DIAPH2: variants seen among roughly 807,000 people sequenced by gnomAD.
DIAPH2 encodes protein diaphanous homolog 2.
Under a neutral mutation model 92.7 loss-of-function variants are expected in DIAPH2, and 35 were observed. The observed-to-expected ratio is 0.38, with a 90% confidence interval of 0.29 to 0.50. The LOEUF is 0.50. Among genes scored for constraint, DIAPH2 ranks in the 20% least tolerant of loss-of-function variants. The pLI is 0.94. For missense variants in DIAPH2, 701 were observed against 819.5 expected (o/e 0.86, Z 1.77); for synonymous variants, 301 against 280.4 (o/e 1.07, Z -0.73).
chrX:96,758,827 A>G (rs1190966717), intron 4 of DIAPH2, among the ~76,000 whole-genome samples: 2 of 111,611 alleles, frequency 1.8e-5, no homozygotes, highest in South Asian at 3.7e-4. Context: ...TGTGAGTCCC[A>G]AGACTTGAAA....
At chrX:97,313,426 G>A (rs963838657) in intron 23 of DIAPH2, among the ~76,000 whole-genome samples, 1 of 111,748 alleles carries the variant, frequency 8.9e-6, no homozygotes, top group African/African-American at 3.2e-5. Context: ...TTTGAAAAAT[G>A]TGATTTCAAC....
chrX:96,821,636 T>G (rs1437575514), intron 4 of DIAPH2, among the ~76,000 whole-genome samples: 1 of 112,358 alleles, frequency 8.9e-6, no homozygotes. Flanking sequence ...ATTTTGATAA[T>G]GAATTTTTTT....
chrX:97,450,407 T>C (rs1174936716), intron 26 of DIAPH2, among the ~76,000 whole-genome samples: 1 of 112,094 alleles, frequency 8.9e-6, no homozygotes, highest in Non-Finnish European at 1.9e-5. Flanking sequence ...CTTGGTTAGT[T>C]TCTTTTAAAG....
In DIAPH2 at chrX:96,896,877, G is replaced by A. The variant is rs182626465; in HGVS notation, c.587+15159G>A. 4.8e-4 allele frequency among the ~76,000 whole-genome samples: 54 copies of A among 111,700 alleles called. No homozygotes were observed. In the East Asian group the frequency reaches 5.6e-3, roughly 12 times the overall value. ...TACAAATGCTTTGTTTGTATGTCAT[G>A]TATATATTTGTTATTTTTGTGTTGT... On this transcript the variant is annotated intron_variant, in intron 5 of 26. Coordinates refer to ENST00000324765, the MANE Select transcript of DIAPH2 (RefSeq NM_006729.5).
intron 17 of DIAPH2, among the ~76,000 whole-genome samples, chrX:96,994,142 T>C (rs1170150335): frequency 1.8e-5 from 2 of 111,741 alleles, no homozygotes; most frequent in Admixed American, 1.9e-4. Context: ...TGGGAGAAAA[T>C]TAGGAGTTTT....
chrX:97,532,028 G>T (rs994566607), intron 26 of DIAPH2, among the ~76,000 whole-genome samples: 2 of 112,404 alleles, frequency 1.8e-5, no homozygotes, highest in African/African-American at 6.5e-5. Context: ...AGCCTGTTCA[G>T]CATTTTTTAA....
At chrX:97,589,740 T>A (rs2071504935) in intron 26 of DIAPH2, among the ~76,000 whole-genome samples, 1 of 112,474 alleles carries the variant, frequency 8.9e-6, no homozygotes, top group Admixed American at 9.4e-5. Context: ...CTTTGAGACA[T>A]CTTATATGAG....
intron 5 of DIAPH2, among the ~76,000 whole-genome samples, chrX:96,904,119 C>T (rs750596158): frequency 1.8e-5 from 2 of 111,775 alleles, no homozygotes; most frequent in South Asian, 3.7e-4. Flanking sequence ...ATAGAATAAA[C>T]GCAGCCAGAG....
At chrX:96,961,549 TA>T (rs1184222927) in intron 16 of DIAPH2, among the ~76,000 whole-genome samples, 2 of 109,411 alleles carry the variant, frequency 1.8e-5, no homozygotes, top group Non-Finnish European at 3.8e-5. Flanking sequence ...TGATCTTTAT[TA>T]TTTTTTTCCT....
chrX:97,287,574 A>G (rs1467207176), intron 23 of DIAPH2, among the ~76,000 whole-genome samples: 2 of 110,122 alleles, frequency 1.8e-5, no homozygotes, highest in African/African-American at 6.6e-5. Context: ...GATTTTAGGT[A>G]TGGGTGTTGG....
intron 20 of DIAPH2, among the ~76,000 whole-genome samples, chrX:97,104,568 A>G (rs1438406893): frequency 1.8e-5 from 2 of 109,669 alleles, no homozygotes; most frequent in Admixed American, 9.8e-5. Flanking sequence ...TTCTGTACAC[A>G]TGGAGTCCCA....
chrX:96,955,163 G>A (rs996127123), intron 15 of DIAPH2, among the ~76,000 whole-genome samples: 2 of 111,386 alleles, frequency 1.8e-5, no homozygotes, highest in Admixed American at 9.5e-5. Context: ...CAGAGCTGGC[G>A]AGGCCTCAGG....
At chrX:97,306,302 G>A (rs1196120254) in intron 23 of DIAPH2, among the ~76,000 whole-genome samples, 1 of 111,117 alleles carries the variant, frequency 9.0e-6, no homozygotes, top group East Asian at 2.8e-4. Flanking sequence ...ACTCTCTTTG[G>A]CCCCCAGAGT....
At chrX:97,184,096 A>G (rs2067561835) in intron 22 of DIAPH2, among the ~76,000 whole-genome samples, 1 of 112,336 alleles carries the variant, frequency 8.9e-6, no homozygotes, top group Non-Finnish European at 1.9e-5. Flanking sequence ...GGAGTAAATC[A>G]TACTTACATG....
chrX:97,509,096 G>C (rs1837880021), intron 26 of DIAPH2, among the ~76,000 whole-genome samples: 1 of 108,337 alleles, frequency 9.2e-6, no homozygotes, highest in East Asian at 2.9e-4. Flanking sequence ...GCCGAGGCTG[G>C]AGTGCAGTGG....
intron 23 of DIAPH2, among the ~76,000 whole-genome samples, chrX:97,291,777 AT>A (rs749161574): frequency 3.6e-5 from 4 of 111,080 alleles, no homozygotes; most frequent in Non-Finnish European, 3.8e-5. Flanking sequence ...ACCTCAGGTG[AT>A]TCCCCCACCT....
chrX:97,591,027 T>A lies in DIAPH2; in HGVS notation c.3242-8226T>A, dbSNP rs148727030. Among the ~76,000 whole-genome samples the A allele has an allele frequency of 2.9e-3, 321 of 112,517 alleles. 1 individual carries two copies. Among genetic ancestry groups the A allele is most frequent in the African/African-American group, 9.6e-3 (297 of 30,977 alleles). On this transcript the variant is annotated intron_variant, in intron 26 of 26. Transcript: ENST00000324765. ...TTAGAAAATAAAGGTTAAATATGTA[T>A]AGACATTCTGGTTCTTCCTTTATAC... is the stretch of plus-strand genomic sequence containing the variant.
At chrX:96,988,441 G>A (rs1809284563) in intron 17 of DIAPH2, among the ~76,000 whole-genome samples, 1 of 109,590 alleles carries the variant, frequency 9.1e-6, no homozygotes, top group Non-Finnish European at 1.9e-5. Context: ...TTTTTTTAAA[G>A]CAAAGAATCA....
intron 7 of DIAPH2, among the ~76,000 whole-genome samples, chrX:96,915,264 T>G (rs891990360): frequency 2.1e-4 from 23 of 111,127 alleles, no homozygotes; most frequent in African/African-American, 7.2e-4. Flanking sequence ...AGCTATTAAG[T>G]TTGGTAATTG....
Sources: gnomAD v4.1 joint callset for allele counts (sites outside exome capture counted in the v4.1 genomes callset) on GRCh38, gnomAD v4.1.1 for gene constraint, MANE v1.5 for transcripts, NCBI Gene and HGNC (gene_info 2026-07-23, HGNC 2026-07-21) for gene names.